Variants in TAB1 observed in about 807,000 individuals in gnomAD.
TAB1 encodes TGF-beta-activated kinase 1 and MAP3K7-binding protein 1.
A neutral mutation model predicts 54.5 loss-of-function variants in TAB1; 30 were observed. That is an observed-to-expected ratio of 0.55 (90% CI 0.41 to 0.75). The LOEUF (loss-of-function observed/expected upper bound fraction) is 0.75. Ranked by LOEUF, TAB1 falls within the 30% of genes least tolerant of loss-of-function variation. The probability of loss-of-function intolerance (pLI) is 0.00; values close to 1 mark genes in which losing one functional copy is unlikely to be tolerated. For missense variants in TAB1, 609 were observed against 683.2 expected, an observed-to-expected ratio of 0.89 and a Z score of 1.21; for synonymous variants, 289 against 286.9, an observed-to-expected ratio of 1.01 and a Z score of -0.07.
chr22:39,434,082 CCTTGGGCAGTAA>C (rs1178963862), downstream of TAB1, among the ~76,000 whole-genome samples: 2 of 152,190 alleles, frequency 1.3e-5, no homozygotes, highest in African/African-American at 2.4e-5. Context: ...GGCCGTGTGA[CCTTGGGCAGTAA>C]CTTGGGCTGG....
chr22:39,429,560 C>T (rs576809110), intron 10 of TAB1, among the ~76,000 whole-genome samples: 2 of 152,352 alleles, frequency 1.3e-5, no homozygotes, highest in South Asian at 4.1e-4. Context: ...CCACTGCAAC[C>T]TCTGCCTCCC....
downstream of TAB1, among the ~76,000 whole-genome samples, chr22:39,435,590 C>T (rs1927751516): frequency 6.6e-6 from 1 of 152,212 alleles, no homozygotes; most frequent in Non-Finnish European, 1.5e-5. Flanking sequence ...GACAGTTCAG[C>T]TCCGTATCAG....
chr22:39,421,911 G>T lies in TAB1; in HGVS notation c.861G>T (p.Leu287=), dbSNP rs377209407. ...PLDGVTGFLV[L]MSEGLYKALE... ...ATGGGGTGACGGGCTTCTTGGTGCTGATGTCGGAGGGGTTGTACAAGGCCC... is the reference window on the plus strand; with the variant it reads ...ATGGGGTGACGGGCTTCTTGGTGCTTATGTCGGAGGGGTTGTACAAGGCCC... Residue 287 remains leucine, a synonymous_variant, in exon 8 of 11, where the codon CTG becomes CTT. Coordinates refer to ENST00000216160, the MANE Select transcript of TAB1 (RefSeq NM_006116.3). 1 of 1,612,542 alleles carries T rather than the reference G, an allele frequency of 6.2e-7. No individual in the cohort carries two copies. The highest frequency in any genetic ancestry group is 1.1e-5 in the South Asian group (1 of 90,850).
At position 39,430,101 on chromosome 22, in the gene TAB1, G is replaced by T. The variant is rs369590232; in HGVS notation, c.1394G>T (p.Arg465Leu). Residue 465 changes from arginine to leucine, a missense_variant, in exon 11 of 11, where the codon CGG (arginine) becomes CTG (leucine). Arg to Leu is a moderately radical substitution (Grantham distance 102, BLOSUM62 -2). Transcript: ENST00000216160. ...SSSDGGLFRS[R>L]PAHSLPPGED... is the part of the protein sequence containing the mutation. ...TCTGACGGAGGCCTCTTCCGCTCCC[G>T]GCCCGCCCACTCGCTCCCGCCTGGC... The T allele has an allele frequency of 6.2e-7, 1 of 1,613,910 alleles. No homozygotes were observed. Among genetic ancestry groups the T allele is most frequent in the Admixed American group, 1.7e-5 (1 of 60,006 alleles).
intron 1 of TAB1, among the ~76,000 whole-genome samples, chr22:39,400,206 A>G (rs779732793): frequency 5.9e-5 from 9 of 152,176 alleles, no homozygotes; most frequent in Non-Finnish European, 1.0e-4. Context: ...TGTACCGCTT[A>G]CTGCATCCCC....
intron 1 of TAB1, chr22:39,414,632 C>A (rs971120743): frequency 4.2e-6 from 1 of 238,552 alleles, no homozygotes; most frequent in Non-Finnish European, 8.4e-6. Flanking sequence ...CAAGGGATTT[C>A]TTTGTAGTGT....
At chr22:39,425,708 G>A (rs5757666) in intron 8 of TAB1, among the ~76,000 whole-genome samples, 22,979 of 151,096 alleles carry the variant, frequency 0.15, 2,280 homozygotes, top group East Asian at 0.36. Context: ...CACCACGCCC[G>A]GCTAATTTTT....
At chr22:39,403,574 C>A (rs1285849650) in intron 1 of TAB1, among the ~76,000 whole-genome samples, 1 of 151,450 alleles carries the variant, frequency 6.6e-6, no homozygotes, top group Non-Finnish European at 1.5e-5. Flanking sequence ...TGATGTGAAG[C>A]TTTCATGGGG....
rs751975630 is a variant in TAB1 at position 39,419,523 on chromosome 22, G to A, written c.669G>A (p.Leu223=). 1.9e-6 allele frequency: 3 copies of A among 1,605,778 alleles called. No homozygotes were observed. Among genetic ancestry groups the A allele is most frequent in the African/African-American group, 1.3e-5 (1 of 74,724 alleles). ...DELFRLSQLG[L]DAGKIKQVGI... ...TTGCACTGTTTCCCTCCGTAGGCTT[G>A]GATGCTGGAAAGATCAAGCAGGTGG... Residue 223 remains leucine (L), a synonymous_variant, in exon 7 of 11, where the codon TTG becomes TTA. Transcript: ENST00000216160.
downstream of TAB1, chr22:39,436,839 GC>G (rs1927805226): frequency 2.2e-6 from 1 of 458,202 alleles, no homozygotes; most frequent in Admixed American, 3.7e-5. Flanking sequence ...TGAGCTCAGG[GC>G]TCTTGGAACT....
At chr22:39,402,030 C>T (rs1030393285) in intron 1 of TAB1, among the ~76,000 whole-genome samples, 3 of 152,126 alleles carry the variant, frequency 2.0e-5, no homozygotes, top group African/African-American at 4.8e-5. Context: ...ACCTGGGGCA[C>T]TGTCTTGTTA....
chr22:39,432,911 G>A, downstream of TAB1: 1 of 985,444 alleles, frequency 1.0e-6, no homozygotes, highest in Non-Finnish European at 1.2e-6. Flanking sequence ...CTCGGGAATG[G>A]GTTTGAGGAC....
downstream of TAB1, among the ~76,000 whole-genome samples, chr22:39,435,225 G>A (rs17001112): frequency 6.6e-6 from 1 of 152,120 alleles, no homozygotes; most frequent in Non-Finnish European, 1.5e-5. Context: ...TTCCATTTTA[G>A]TACAAAAATA....
rs201144039 is a variant in TAB1 at position 39,415,800 on chromosome 22, G to GC, written c.324+154dup. The GC allele has an allele frequency of 1.9e-3, 2,011 of 1,061,858 alleles. 62 individuals are homozygous for GC. The East Asian group carries it at 0.046, about 24-fold the overall frequency. The allele number at this position is 1,061,858 out of a possible 1,614,324, so 65.8% of individuals were successfully genotyped here. The stretch of plus-strand genomic sequence containing the variant: ...AGTAGAGGAGCAGCTCCCAGCGTAG[G>GC]CCCCCCCACCCAACAGGAGTCCAGG... On this transcript the variant is annotated intron_variant, in intron 3 of 10. Transcript: ENST00000216160. This position sits in a 1 kb window ranked among gnomAD's most constrained non-coding sequence, Gnocchi z 4.9.
intron 1 of TAB1, among the ~76,000 whole-genome samples, chr22:39,403,174 G>T (rs1053119118): frequency 1.3e-5 from 2 of 152,260 alleles, no homozygotes; most frequent in African/African-American, 4.8e-5. Context: ...CACCGCCTTT[G>T]TGGAGCTGAT....
In TAB1 at chr22:39,430,905, G is replaced by A; in HGVS notation, c.*683G>A. 2 of 987,544 alleles carry A rather than the reference G, an allele frequency of 2.0e-6. No individual in the cohort carries two copies. Among genetic ancestry groups the A allele is most frequent in the Non-Finnish European group, 2.4e-6 (2 of 831,324 alleles). 61.2% of individuals were successfully genotyped at this position (987,544 alleles called of 1,614,324 possible). On this transcript the variant is annotated 3_prime_UTR_variant, in exon 11 of 11. Coordinates refer to ENST00000216160, the MANE Select transcript of TAB1 (RefSeq NM_006116.3). The stretch of plus-strand genomic sequence containing the variant: ...GAACTGCCAGAGGATGGCGGCCTGG[G>A]CTTCCCCAGAGCCAGGCGTGCGGGA...
At chr22:39,428,826 TAGAA>T (rs1301654375) in intron 10 of TAB1, among the ~76,000 whole-genome samples, 1 of 152,248 alleles carries the variant, frequency 6.6e-6, no homozygotes, top group East Asian at 1.9e-4. Context: ...TGTGGCCAAT[TAGAA>T]AGGCCCTGGA....
intron 9 of TAB1, 86 bp downstream of exon 9, chr22:39,427,011 C>A: frequency 1.5e-6 from 2 of 1,321,138 alleles, no homozygotes; most frequent in South Asian, 1.3e-5. Flanking sequence ...CTGCTTGAAA[C>A]GGAGATGGAG....
chr22:39,418,673 G>A (rs1926939989), intron 5 of TAB1, 59 bp from the exon 6 acceptor site: 24 of 1,289,476 alleles, frequency 1.9e-5, no homozygotes, highest in Admixed American at 1.2e-4. Context: ...CTGCCTTCCC[G>A]GTATGCCCTA....
Sources: allele counts gnomAD v4.1 joint callset (sites outside exome capture counted in the v4.1 genomes callset), GRCh38; gene constraint gnomAD v4.1.1; non-coding constraint Gnocchi (gnomAD v3.1); transcripts MANE v1.5; gene names NCBI Gene and HGNC (gene_info 2026-07-23, HGNC 2026-07-21).